Variants in CNTNAP2 observed in about 807,000 individuals in gnomAD.
CNTNAP2 encodes contactin associated protein 2, also known as contactin-associated protein-like 2.
A neutral mutation model predicts 155.2 loss-of-function variants in CNTNAP2; 98 were observed. The ratio of observed to expected loss-of-function variants is 0.63; its 90% CI spans 0.54 to 0.75. The LOEUF (loss-of-function observed/expected upper bound fraction) is 0.75, where lower values mean the gene tolerates loss of function less well. CNTNAP2 is among the 30% of genes least tolerant of loss of function. The probability of loss-of-function intolerance (pLI) is 0.00; values close to 1 mark genes in which losing one functional copy is unlikely to be tolerated. For synonymous variants in CNTNAP2, 651 were observed against 631.2 expected (o/e 1.03, Z -0.47); for missense variants, 1,727 against 1,688.1 (o/e 1.02, Z -0.40).
intron 4 of CNTNAP2, among the ~76,000 whole-genome samples, chr7:147,067,901 C>G (rs1359288070): frequency 6.6e-6 from 1 of 152,178 alleles, no homozygotes; most frequent in Non-Finnish European, 1.5e-5. Flanking sequence ...AAACTTATGC[C>G]TTAGAACAGA....
chr7:146,572,264 C>CTTTTTTTTTTTTTTTTTTTTTTTTT (rs71165015), intron 1 of CNTNAP2, among the ~76,000 whole-genome samples: 1 of 126,216 alleles, frequency 7.9e-6, no homozygotes, highest in Non-Finnish European at 1.7e-5. Context: ...TTTCTGTTGT[C>CTTTTTTTTTTTTTTTTTTTTTTTTT]TTTTTTTTTT....
intron 1 of CNTNAP2, among the ~76,000 whole-genome samples, chr7:146,372,266 T>C (rs1795247391): frequency 6.6e-6 from 1 of 152,214 alleles, no homozygotes. Context: ...GCTAAAGAAG[T>C]TTCGCGAATT....
chr7:147,704,540 A>C (rs1796281476), intron 13 of CNTNAP2: 1 of 165,516 alleles, frequency 6.0e-6, no homozygotes, highest in Non-Finnish European at 1.4e-5. Context: ...CTGGAGATGC[A>C]GCATTTCCAG....
In CNTNAP2 at chr7:146,347,380, C is replaced by T. The variant is rs150031436; in HGVS notation, c.97+230407C>T. 1.3e-4 allele frequency among the ~76,000 whole-genome samples: 20 copies of T among 152,174 alleles called. No homozygotes were observed. In the East Asian group the frequency reaches 3.9e-3, roughly 30 times the overall value. ...CCTGTTGGGAAAGCAACAGCTCAAC[C>T]AGAGACCAGAATCATAGGTTACTGA... On this transcript the variant is annotated intron_variant, in intron 1 of 23. Transcript: ENST00000361727.
intron 16 of CNTNAP2, among the ~76,000 whole-genome samples, chr7:148,144,323 TA>T (rs139248880): frequency 0.016 from 2,431 of 152,282 alleles, 71 homozygotes; most frequent in African/African-American, 0.055. Context: ...GTAGCTACTG[TA>T]AAAAGATTGG....
chr7:147,746,671 A>G (rs1188840606), intron 13 of CNTNAP2, among the ~76,000 whole-genome samples: 2 of 152,100 alleles, frequency 1.3e-5, no homozygotes, highest in African/African-American at 2.4e-5. Context: ...ATTGACACCA[A>G]TGGGACCAAT....
chr7:146,927,145 A>C (rs1470928625), intron 3 of CNTNAP2, among the ~76,000 whole-genome samples: 1 of 152,128 alleles, frequency 6.6e-6, no homozygotes, highest in East Asian at 1.9e-4. Flanking sequence ...TAATTTTCTA[A>C]ATCTGTTTAC....
In CNTNAP2 at chr7:146,616,049, C is replaced by T. The variant is rs904111452; in HGVS notation, c.98-158222C>T. 2.0e-5 allele frequency among the ~76,000 whole-genome samples: 3 copies of T among 152,100 alleles called. 1 individual carries two copies. The South Asian group carries it at 6.2e-4, about 31-fold the overall frequency. On this transcript the variant is annotated intron_variant, in intron 1 of 23. Transcript: ENST00000361727. ...ACAATGGTAATCCTTTAAACTTTCA[C>T]AAAACACCACTGCTCCATTTGTTTT... is the stretch of plus-strand genomic sequence containing the variant.
intron 1 of CNTNAP2, among the ~76,000 whole-genome samples, chr7:146,293,953 A>G (rs1160542887): frequency 6.6e-6 from 1 of 152,148 alleles, no homozygotes; most frequent in Non-Finnish European, 1.5e-5. Context: ...ATTTCCACAT[A>G]AAAGCAACCA....
At chr7:148,081,938 A>G (rs1350395150) in intron 15 of CNTNAP2, among the ~76,000 whole-genome samples, 1 of 152,130 alleles carries the variant, frequency 6.6e-6, no homozygotes, top group East Asian at 1.9e-4. Flanking sequence ...TGGAGTAAGC[A>G]TAGAGAAGGG....
At chr7:146,730,347 T>A (rs914044547) in intron 1 of CNTNAP2, among the ~76,000 whole-genome samples, 3 of 152,042 alleles carry the variant, frequency 2.0e-5, no homozygotes, top group Non-Finnish European at 2.9e-5. Flanking sequence ...TCCTCCTTGT[T>A]TTCCCATAGA....
chr7:147,800,948 G>A (rs1296036604), intron 13 of CNTNAP2, among the ~76,000 whole-genome samples: 1 of 152,186 alleles, frequency 6.6e-6, no homozygotes, highest in Non-Finnish European at 1.5e-5. Flanking sequence ...AGATAGCCTA[G>A]GTGAGTAGTA....
At chr7:147,341,265 A>C (rs1476645695) in intron 9 of CNTNAP2, among the ~76,000 whole-genome samples, 1 of 151,982 alleles carries the variant, frequency 6.6e-6, no homozygotes, top group Admixed American at 6.6e-5. Context: ...AGGGAGGAGA[A>C]CATCACATAC....
intron 21 of CNTNAP2, among the ~76,000 whole-genome samples, chr7:148,311,633 C>G (rs1332630624): frequency 6.6e-6 from 1 of 151,856 alleles, no homozygotes; most frequent in Non-Finnish European, 1.5e-5. Context: ...CTGAATAATC[C>G]CTGAAGAGTA....
intron 21 of CNTNAP2, among the ~76,000 whole-genome samples, chr7:148,301,306 A>AAAAAATATATATATATATATATATATAT: frequency 7.7e-5 from 8 of 103,868 alleles, no homozygotes; most frequent in African/African-American, 2.6e-4. Flanking sequence ...AAAAAAAAAA[A>AAAAAATATATATATATATATATATATAT]ATATATATAT....
intron 12 of CNTNAP2, among the ~76,000 whole-genome samples, chr7:147,615,673 T>G (rs1382270786): frequency 1.3e-5 from 2 of 152,136 alleles, no homozygotes; most frequent in Non-Finnish European, 2.9e-5. Flanking sequence ...CCATCACTTT[T>G]GATGAAAGAA....
At chr7:146,404,336 T>C (rs966294266) in intron 1 of CNTNAP2, among the ~76,000 whole-genome samples, 6 of 152,242 alleles carry the variant, frequency 3.9e-5, no homozygotes, top group African/African-American at 1.2e-4. Flanking sequence ...TTACCCTGCA[T>C]GGTTGGGCCG....
intron 1 of CNTNAP2, among the ~76,000 whole-genome samples, chr7:146,425,692 T>C (rs1263066191): frequency 6.6e-6 from 1 of 152,142 alleles, no homozygotes; most frequent in African/African-American, 2.4e-5. Context: ...AGTATAATTA[T>C]TGATTAACAT....
chr7:147,312,387 A>G (rs902414081), intron 9 of CNTNAP2, among the ~76,000 whole-genome samples: 3 of 149,512 alleles, frequency 2.0e-5, no homozygotes, highest in African/African-American at 7.5e-5. Flanking sequence ...CATTAGGTAT[A>G]TCTCCTAATG....
Sources: allele counts gnomAD v4.1 joint callset (sites outside exome capture counted in the v4.1 genomes callset), GRCh38; gene constraint gnomAD v4.1.1; transcripts MANE v1.5; gene names NCBI Gene and HGNC (gene_info 2026-07-23, HGNC 2026-07-21).